CRYBB2: variants seen among roughly 807,000 people sequenced by gnomAD.
CRYBB2 encodes the protein beta-crystallin B2.
A neutral mutation model predicts 24.3 loss-of-function variants in CRYBB2; 12 were observed. That is an observed-to-expected ratio of 0.49 (90% CI 0.32 to 0.80). The LOEUF is 0.80. Among genes scored for constraint, CRYBB2 ranks in the 30% least tolerant of loss-of-function variants. The pLI, the probability that CRYBB2 is intolerant of heterozygous loss-of-function variation, is 0.04. For missense variants in CRYBB2, 198 were observed against 268.5 expected (o/e 0.74, Z 1.83); for synonymous variants, 98 against 101.6 (o/e 0.96, Z 0.21).
At chr22:25,217,416 C>T (rs528542977), upstream of CRYBB2, among the ~76,000 whole-genome samples, 414 of 152,314 alleles carry the variant, frequency 2.7e-3, 3 homozygotes, top group Non-Finnish European at 4.3e-3. Flanking sequence ...CTCGTGGGTT[C>T]AAGTGATTCT....
intron 2 of CRYBB2, among the ~76,000 whole-genome samples, chr22:25,224,678 G>C (rs181323142): frequency 6.6e-6 from 1 of 152,276 alleles, no homozygotes; most frequent in Non-Finnish European, 1.5e-5. Flanking sequence ...CCTAGGTTCT[G>C]TCTTTATTTC....
chr22:25,217,178 A>ATT (rs71191033), upstream of CRYBB2, among the ~76,000 whole-genome samples: 36 of 145,242 alleles, frequency 2.5e-4, no homozygotes, highest in African/African-American at 7.5e-4. Flanking sequence ...TCTATGTTGG[A>ATT]TTTTTTTTTT....
upstream of CRYBB2, among the ~76,000 whole-genome samples, chr22:25,218,350 A>G (rs1183794939): frequency 2.0e-5 from 3 of 148,408 alleles, no homozygotes; most frequent in African/African-American, 7.4e-5. Context: ...AGAGCAACTC[A>G]CTCTAGGACA....
intron 5 of CRYBB2, among the ~76,000 whole-genome samples, chr22:25,229,995 G>C (rs985173677): frequency 6.6e-6 from 1 of 151,650 alleles, no homozygotes; most frequent in African/African-American, 2.4e-5. Context: ...TTGGGAACAG[G>C]AGGTGTCATT....
chr22:25,221,560 C>A, intron 2 of CRYBB2, 77 bp downstream of exon 2: 1 of 1,067,382 alleles, frequency 9.4e-7, no homozygotes, highest in Non-Finnish European at 1.5e-6. Context: ...ATGGGCTTGG[C>A]ATCTTTCTTC....
intron 4 of CRYBB2, among the ~76,000 whole-genome samples, chr22:25,229,035 CGTGT>C (rs1935480339): frequency 8.0e-6 from 1 of 124,824 alleles, no homozygotes; most frequent in Admixed American, 7.7e-5. Context: ...TGTGTGCGTG[CGTGT>C]GTGCAAGTGT....
intron 5 of CRYBB2, 53 bp downstream of exon 5, chr22:25,229,631 G>A (rs1935497847): frequency 1.2e-6 from 2 of 1,603,120 alleles, no homozygotes; most frequent in Non-Finnish European, 1.7e-6. Flanking sequence ...GAGACTCTGG[G>A]GTCCTAAGTC....
intron 2 of CRYBB2, among the ~76,000 whole-genome samples, chr22:25,223,641 C>T (rs975397165): frequency 1.3e-5 from 2 of 152,132 alleles, no homozygotes; most frequent in Non-Finnish European, 2.9e-5. Flanking sequence ...GCCTCTAAGC[C>T]CTGTGCCTTT....
intron 4 of CRYBB2, among the ~76,000 whole-genome samples, chr22:25,229,106 T>G (rs1040802670): frequency 6.6e-6 from 1 of 150,746 alleles, no homozygotes; most frequent in Non-Finnish European, 1.5e-5. Context: ...CATGTGTGTG[T>G]GTGTGCATGT....
chr22:25,225,362 C>G (rs1196464255), intron 3 of CRYBB2, among the ~76,000 whole-genome samples: 1 of 152,128 alleles, frequency 6.6e-6, no homozygotes, highest in East Asian at 1.9e-4. Context: ...CAGCCACTTC[C>G]TCAAGGCAGG....
At chr22:25,218,790 GAA>G (rs1239163199), upstream of CRYBB2, among the ~76,000 whole-genome samples, 1 of 84,888 alleles carries the variant, frequency 1.2e-5, no homozygotes, top group Non-Finnish European at 2.2e-5. Flanking sequence ...AAGAAAGAAA[GAA>G]AGAAAGAAAG....
chr22:25,215,188 A>G (rs548717023), upstream of CRYBB2, among the ~76,000 whole-genome samples: 6 of 152,364 alleles, frequency 3.9e-5, no homozygotes, highest in Middle Eastern at 3.4e-3. Flanking sequence ...TGTGATGGCC[A>G]TGATACCCAC....
chr22:25,229,851 A>G (rs1205103612), intron 5 of CRYBB2, among the ~76,000 whole-genome samples: 1 of 151,910 alleles, frequency 6.6e-6, no homozygotes, highest in Non-Finnish European at 1.5e-5. Flanking sequence ...CAAGACATGT[A>G]TGTCAGAGGG....
chr22:25,219,766 G>T (rs925486297), intron 1 of CRYBB2, 100 bp downstream of exon 1: 2 of 152,248 alleles, frequency 1.3e-5, no homozygotes, highest in Admixed American at 6.5e-5. Context: ...ACTTTGGGCA[G>T]AGACTTCAAT....
At chr22:25,218,818 GAA>G (rs371049610), upstream of CRYBB2, among the ~76,000 whole-genome samples, 1,538 of 65,160 alleles carry the variant, frequency 0.024, 59 homozygotes, top group African/African-American at 0.069. Context: ...AAGAAAGAAA[GAA>G]AGAAAGAAAG....
At chr22:25,217,279 C>A (rs1290250297), upstream of CRYBB2, among the ~76,000 whole-genome samples, 1 of 151,816 alleles carries the variant, frequency 6.6e-6, no homozygotes, top group Non-Finnish European at 1.5e-5. Context: ...GTTTGTGACA[C>A]TTTATTACAG....
chr22:25,230,969 G>T (rs187645356), intron 5 of CRYBB2, among the ~76,000 whole-genome samples: 18 of 152,324 alleles, frequency 1.2e-4, no homozygotes, highest in Non-Finnish European at 2.4e-4. Flanking sequence ...AGGCCCTGTG[G>T]TGTGTGTGGG....
chr22:25,222,636 C>T (rs1041763374), intron 2 of CRYBB2, among the ~76,000 whole-genome samples: 6 of 152,008 alleles, frequency 3.9e-5, no homozygotes, highest in African/African-American at 9.7e-5. Flanking sequence ...GAACAGCAGG[C>T]GCAAAGACTC....
At chr22:25,229,711 T>G (rs1935498657) in intron 5 of CRYBB2, 133 bp downstream of exon 5, 3 of 1,228,316 alleles carry the variant, frequency 2.4e-6, no homozygotes, top group Non-Finnish European at 3.5e-6. Context: ...GGCTTCCCAC[T>G]GGAAAGTAAA....
Sources: gnomAD v4.1 joint callset for allele counts (sites outside exome capture counted in the v4.1 genomes callset) on GRCh38, gnomAD v4.1.1 for gene constraint, MANE v1.5 for transcripts, NCBI Gene and HGNC (gene_info 2026-07-23, HGNC 2026-07-21) for gene names.